The following ACADVL variants were observed in gnomAD, a reference collection of about 807,000 sequenced individuals.
ACADVL encodes very long-chain acyl-CoA dehydrogenase, mitochondrial.
Under a neutral mutation model 80.4 loss-of-function variants are expected in ACADVL, and 73 were observed. The observed-to-expected ratio is 0.91, with a 90% CI of 0.75 to 1.10. ACADVL has a LOEUF of 1.10. Among genes scored for constraint, ACADVL ranks in the 50% least tolerant of loss-of-function variants. The probability of loss-of-function intolerance (pLI) is 0.00; values close to 1 mark genes in which losing one functional copy is unlikely to be tolerated. For synonymous variants in ACADVL, 392 were observed against 326.5 expected, an observed-to-expected ratio of 1.20 and a Z score of -2.16; for missense variants, 878 against 858.9, an observed-to-expected ratio of 1.02 and a Z score of -0.28.
At position 7,220,593 on chromosome 17, in the gene ACADVL, T is replaced by C. The variant is rs1223269680; in HGVS notation, c.205-11T>C. The C allele has an allele frequency of 6.2e-7, 1 of 1,614,190 alleles. No individual in the cohort carries two copies. On this transcript the variant is annotated splice_polypyrimidine_tract_variant and intron_variant, in intron 3 of 19. Coordinates refer to ENST00000356839, the MANE Select transcript of ACADVL (RefSeq NM_000018.4). ...CAACCAGAGCCCTGAAATTTGCCTCTCTCTGCCCAGGAATCTAAGTCCTTT... is the reference window on the plus strand; with the variant it reads ...CAACCAGAGCCCTGAAATTTGCCTCCCTCTGCCCAGGAATCTAAGTCCTTT...
At position 7,224,877 on chromosome 17, in the gene ACADVL, G is replaced by A. The variant is rs200117742; in HGVS notation, c.1820G>A (p.Cys607Tyr). The A allele has an allele frequency of 2.5e-6, 4 of 1,613,984 alleles. No homozygotes were observed. The highest frequency in any genetic ancestry group is 1.3e-5 in the African/African-American group (1 of 74,920). The change falls in exon 19 of 20, where the codon TGT becomes TAT. Residue 607 changes from cysteine (C) to tyrosine (Y), a missense_variant. Cys to Tyr is a radical substitution (Grantham distance 194, BLOSUM62 -2). Coordinates refer to ENST00000356839, the MANE Select transcript of ACADVL (RefSeq NM_000018.4). ...GAGAAAATGCTCTGTGACACCTGGT[G>A]TATCGAGGTGAGACTCGGGGCTGCC... is the stretch of plus-strand genomic sequence containing the variant. The part of the protein sequence containing the change: ...QHEKMLCDTW[C>Y]IEAAARIREG...
upstream of ACADVL, among the ~76,000 whole-genome samples, chr17:7,218,009 C>T (rs1039887311): frequency 6.6e-6 from 1 of 151,742 alleles, no homozygotes; most frequent in African/African-American, 2.4e-5. Flanking sequence ...AAAGTTAAGC[C>T]CTAGACTCTT....
rs757675334 is a variant in ACADVL at position 7,224,730 on chromosome 17, G to C, written c.1751+16G>C. On this transcript the variant is annotated intron_variant, in intron 18 of 19. Coordinates refer to ENST00000356839, the MANE Select transcript of ACADVL (RefSeq NM_000018.4). The stretch of plus-strand genomic sequence containing the variant: ...TTCTCTCGAGGTGAGGAGGCAGGCA[G>C]GGAATGCCTGAGCCGCAGGGGGCCT... 1 of 1,608,756 alleles carries C rather than the reference G, an allele frequency of 6.2e-7. No individual in the cohort carries two copies. The highest frequency in any genetic ancestry group is 1.3e-5 in the African/African-American group (1 of 74,722).
chr17:7,219,180 A>G (rs1254510833), upstream of ACADVL: 7 of 373,128 alleles, frequency 1.9e-5, no homozygotes, highest in East Asian at 5.5e-5. Context: ...TTGCAGAAAA[A>G]GGGGTAGAAA....
At chr17:7,218,957 C>G, upstream of ACADVL, 1 of 1,209,982 alleles carries the variant, frequency 8.3e-7, no homozygotes, top group Non-Finnish European at 1.2e-6. Flanking sequence ...CTGAGCCGAC[C>G]AGCTGTCCCA....
At chr17:7,218,770 C>T (rs372662664), upstream of ACADVL, 2,302 of 1,604,486 alleles carry the variant, frequency 1.4e-3, 41 homozygotes, top group South Asian at 0.024. Flanking sequence ...GAAGGATCTC[C>T]GAGCCCCAGC....
chr17:7,218,785 C>G (rs186123640), upstream of ACADVL: 18 of 1,612,286 alleles, frequency 1.1e-5, no homozygotes, highest in Non-Finnish European at 1.5e-5. Flanking sequence ...CCCAGCCCCC[C>G]ACTTCGCTCC....
intron 11 of ACADVL, 43 bp from the exon 12 acceptor site, chr17:7,223,601 C>T (rs1280029444): frequency 6.2e-7 from 1 of 1,606,968 alleles, no homozygotes; most frequent in Non-Finnish European, 8.5e-7. Flanking sequence ...CTGACAAAGC[C>T]CTTTGCAATT....
rs1057523504 is a variant in ACADVL at position 7,223,201 on chromosome 17, G to A, written c.1146G>A (p.Lys382=). The A allele has an allele frequency of 1.2e-6, 2 of 1,614,134 alleles. No individual in the cohort carries two copies. The highest frequency in any genetic ancestry group is 1.7e-6 in the Non-Finnish European group (2 of 1,179,992). The stretch of plus-strand genomic sequence containing the variant: ...ACAACTTTGGGCTGATCCAGGAGAA[G>A]CTGGCACGGATGGTTATGCTGCAGT... ...KIHNFGLIQE[K]LARMVMLQYV... The change falls in exon 11 of 20, where the codon AAG becomes AAA. Residue 382 remains lysine, a synonymous_variant. Transcript: ENST00000356839.
chr17:7,223,318 C>T (rs2071321235), intron 11 of ACADVL, 81 bp downstream of exon 11: 21 of 1,314,034 alleles, frequency 1.6e-5, no homozygotes, highest in Non-Finnish European at 2.3e-5. Flanking sequence ...CCAGCAGCAC[C>T]TGGGGCAGTG....
intron 7 of ACADVL, 65 bp from the exon 8 acceptor site, chr17:7,221,887 G>C (rs200818838): frequency 1.2e-6 from 2 of 1,612,512 alleles, no homozygotes; most frequent in Non-Finnish European, 8.5e-7. Context: ...GAGGGATGGG[G>C]AAGTGGGCCG....
intron 7 of ACADVL, 113 bp downstream of exon 7, chr17:7,221,795 T>G (rs2071242061): frequency 3.1e-6 from 5 of 1,593,606 alleles, no homozygotes; most frequent in Non-Finnish European, 4.3e-6. Flanking sequence ...GGGGGAAGGT[T>G]TTGGGGAGGC....
rs1437698813 is a variant in ACADVL, at chr17:7,221,066, C to T, written c.477+8C>T. 13 of 1,612,928 alleles carry T rather than the reference C, an allele frequency of 8.1e-6. No individual in the cohort carries two copies. Among genetic ancestry groups the T allele is most frequent in the African/African-American group, 5.3e-5 (4 of 74,860 alleles). On this transcript the variant is annotated splice_region_variant and intron_variant, in intron 6 of 19. Transcript: ENST00000356839. ...GGCCTTTGCAACACCCAGGTGAGGG[C>T]GCCCTATCGCCACATCCCAGTATGC...
Position 7,220,490 on chromosome 17 carries a change from C to T in ACADVL, c.165C>T (p.His55=), listed in dbSNP as rs1303022654. 4 of 1,614,222 alleles carry T rather than the reference C, an allele frequency of 2.5e-6. No homozygotes were observed. In the East Asian group the frequency reaches 6.7e-5, roughly 27 times the overall value. ...TGGCTCTGGACAAGTCAGATTCCCACCCCTCTGACGCTCTGACCAGGAAAA... is the reference window on the plus strand; with the variant it reads ...TGGCTCTGGACAAGTCAGATTCCCATCCCTCTGACGCTCTGACCAGGAAAA... ...AQLALDKSDS[H]PSDALTRKKP... is the part of the protein sequence containing the mutation. The change falls in exon 3 of 20, where the codon CAC becomes CAT. Residue 55 remains histidine (H), a synonymous_variant. Transcript: ENST00000356839.
In ACADVL at chr17:7,224,662, C is replaced by CT; in HGVS notation, c.1699_1700insT (p.Arg567LeufsTer25). The CT allele has an allele frequency of 6.7e-7, 1 of 1,488,900 alleles. No individual in the cohort carries two copies. 92.2% of individuals were successfully genotyped at this position (1,488,900 alleles called of 1,614,324 possible). A position where few individuals can be genotyped will look rare whatever the true frequency, so the allele number is the denominator to read the frequency against. The stretch of plus-strand genomic sequence containing the variant: ...GACAGATGAACAGTTTCTGCTGCAG[C>CT]GGCTGGCAGACGGGGCCATCGACCT... On this transcript the variant is annotated frameshift_variant, in exon 18 of 20. Transcript: ENST00000356839. LOFTEE classifies it high-confidence loss of function.
chr17:7,220,698 G>C (rs1597519571), intron 4 of ACADVL, 22 bp downstream of exon 4: 2 of 1,614,230 alleles, frequency 1.2e-6, no homozygotes, highest in East Asian at 2.2e-5. Flanking sequence ...GATAATCAGA[G>C]CTGGGTGGGG....
Position 7,220,847 on chromosome 17 carries a change from G to C in ACADVL, c.342+17G>C, listed in dbSNP as rs368213180. 29 of 1,613,970 alleles carry C rather than the reference G, an allele frequency of 1.8e-5. No homozygotes were observed. The highest frequency in any genetic ancestry group is 2.5e-5 in the Non-Finnish European group (29 of 1,180,038). On this transcript the variant is annotated intron_variant, in intron 5 of 19. Coordinates refer to ENST00000356839, the MANE Select transcript of ACADVL (RefSeq NM_000018.4). ...TTCTTCGAGGTAAGGAATGACTCGGGGCTTGGTCCCTGGTGAGGTGTTTGG... is the reference window on the plus strand; with the variant it reads ...TTCTTCGAGGTAAGGAATGACTCGGCGCTTGGTCCCTGGTGAGGTGTTTGG...
intron 10 of ACADVL, 119 bp downstream of exon 10, chr17:7,222,984 GC>G: frequency 6.9e-7 from 1 of 1,455,428 alleles, no homozygotes; most frequent in Non-Finnish European, 9.5e-7. Flanking sequence ...CCTACCAGCA[GC>G]CCGACTTGCT....
At chr17:7,217,728 T>A (rs1314310675), upstream of ACADVL, 5 of 1,532,304 alleles carry the variant, frequency 3.3e-6, no homozygotes, top group Non-Finnish European at 3.5e-6. Flanking sequence ...ACCCGGATAA[T>A]GGGAAAGGAG....
Sources: gnomAD v4.1 joint callset for allele counts (sites outside exome capture counted in the v4.1 genomes callset) on GRCh38, gnomAD v4.1.1 for gene constraint, MANE v1.5 for transcripts, NCBI Gene and HGNC (gene_info 2026-07-23, HGNC 2026-07-21) for gene names.